Variants in CDK6 observed in about 807,000 individuals in gnomAD.
CDK6 encodes the protein cyclin-dependent kinase 6.
Under a neutral mutation model 37.1 loss-of-function variants are expected in CDK6, and 6 were observed. The observed-to-expected ratio is 0.16, with a 90% CI of 0.09 to 0.32. The LOEUF is 0.32. Ranked by LOEUF, CDK6 falls within the 10% of genes least tolerant of loss-of-function variation. The pLI, the probability that CDK6 is intolerant of heterozygous loss-of-function variation, is 1.00. For synonymous variants in CDK6, 160 were observed against 161.3 expected (o/e 0.99, Z 0.06); for missense variants, 224 against 418.9 (o/e 0.53, Z 4.06).
intron 4 of CDK6, among the ~76,000 whole-genome samples, chr7:92,695,806 T>C (rs1209485045): frequency 6.6e-6 from 1 of 152,228 alleles, no homozygotes; most frequent in Non-Finnish European, 1.5e-5. Context: ...TAAAAGTCTT[T>C]GCTGTTGCCG....
chr7:92,672,134 CATATATATAT>C lies in CDK6; in HGVS notation c.538-609_538-600del, dbSNP rs372523914. 1.2e-4 allele frequency among the ~76,000 whole-genome samples: 8 copies of C among 65,408 alleles called. No homozygotes were observed. In the South Asian group the frequency reaches 3.3e-3, roughly 27 times the overall value. The allele number at this position is 65,408 out of a possible 152,430, so 42.9% of individuals were successfully genotyped here. A position where few individuals can be genotyped will look rare whatever the true frequency, so the allele number is the denominator to read the frequency against. On this transcript the variant is annotated intron_variant, in intron 4 of 7. Transcript: ENST00000424848. ...AACCACTTGTACCCCAAAAGCTGTA[CATATATATAT>C]ATATATATATATATATACACATACA...
intron 5 of CDK6, among the ~76,000 whole-genome samples, chr7:92,665,698 A>T (rs1197260880): frequency 1.3e-5 from 2 of 152,224 alleles, no homozygotes; most frequent in East Asian, 3.8e-4. Context: ...TATTAAATAC[A>T]TGTGTGATTT....
rs1796351255 is a variant in CDK6, at chr7:92,643,076, AGGGTTT to A, written c.648-19996_648-19991del. Among the ~76,000 whole-genome samples, 6 of 152,224 alleles carry A rather than the reference AGGGTTT, an allele frequency of 3.9e-5. No individual in the cohort carries two copies. In the South Asian group the frequency reaches 1.2e-3, roughly 32 times the overall value. ...CACCTGACTAATTTTTTGTAGAGAC[AGGGTTT>A]GGCCATGTTGCCCAGGATGGTCTCG... is the stretch of plus-strand genomic sequence containing the variant. On this transcript the variant is annotated intron_variant, in intron 5 of 7. Transcript: ENST00000424848.
chr7:92,683,181 T>C (rs1797374807), intron 4 of CDK6, among the ~76,000 whole-genome samples: 1 of 151,562 alleles, frequency 6.6e-6, no homozygotes, highest in East Asian at 1.9e-4. Context: ...CAGGGCTCAT[T>C]GTTTCCTCTT....
intron 4 of CDK6, chr7:92,725,132 T>C: frequency 1.0e-6 from 1 of 985,430 alleles, no homozygotes; most frequent in Non-Finnish European, 1.2e-6. Context: ...TCTACGTTCA[T>C]GCATCATCCA....
chr7:92,770,319 CT>C (rs746741500), intron 3 of CDK6, among the ~76,000 whole-genome samples: 1,941 of 90,928 alleles, frequency 0.021, 19 homozygotes, highest in African/African-American at 0.048. Context: ...TCTATGTATG[CT>C]TTTTTTTTTT....
intron 2 of CDK6, among the ~76,000 whole-genome samples, chr7:92,791,809 T>C (rs1044102564): frequency 1.3e-5 from 2 of 152,102 alleles, no homozygotes; most frequent in Non-Finnish European, 2.9e-5. Flanking sequence ...TCCAAAGGTA[T>C]GTAGGTACAC....
chr7:92,664,337 C>T (rs1437464309), intron 5 of CDK6, among the ~76,000 whole-genome samples: 3 of 152,176 alleles, frequency 2.0e-5, no homozygotes, highest in Non-Finnish European at 4.4e-5. Flanking sequence ...TAGGGCGTGC[C>T]TTCTGGCACC....
At chr7:92,816,978 A>G (rs549314473) in intron 2 of CDK6, among the ~76,000 whole-genome samples, 1 of 152,116 alleles carries the variant, frequency 6.6e-6, no homozygotes, top group Non-Finnish European at 1.5e-5. Context: ...AATCCCTTGA[A>G]AAATACAAAA....
chr7:92,671,271 G>A (rs1797066010), intron 5 of CDK6, 155 bp downstream of exon 5: 3 of 456,100 alleles, frequency 6.6e-6, no homozygotes, highest in Middle Eastern at 5.0e-4. Context: ...CACTGAGAAG[G>A]CGGTTTCAGG....
chr7:92,789,782 C>CTATT (rs1800237654), intron 2 of CDK6, among the ~76,000 whole-genome samples: 1 of 152,084 alleles, frequency 6.6e-6, no homozygotes. Context: ...AAAGTATATA[C>CTATT]TATTACTCTC....
rs898105760 is a variant in CDK6 at position 92,642,397 on chromosome 7, C to T, written c.648-19311G>A. ...TCACTATTGAGTCATTTGGCCATGCCGCCCAGCCCACTGTGACCTCAGTTC... is the reference window on the plus strand; with the variant it reads ...TCACTATTGAGTCATTTGGCCATGCTGCCCAGCCCACTGTGACCTCAGTTC... On this transcript the variant is annotated intron_variant, in intron 5 of 7. Coordinates refer to ENST00000424848, the MANE Select transcript of CDK6 (RefSeq NM_001145306.2). 6.6e-5 allele frequency among the ~76,000 whole-genome samples: 10 copies of T among 152,182 alleles called. No individual in the cohort carries two copies. The East Asian group carries it at 1.7e-3, about 26-fold the overall frequency.
At position 92,610,889 on chromosome 7, in the gene CDK6, G is replaced by T. The variant is rs887984303; in HGVS notation, c.*4251C>A. ...TTAAAAATTTATTTTTTCAATGAAC[G>T]TTCTTAGGCATGTGTAAGAAGTATT... On this transcript the variant is annotated 3_prime_UTR_variant, in exon 8 of 8. Transcript: ENST00000424848. 8.8e-6 allele frequency: 2 copies of T among 227,932 alleles called. No homozygotes were observed. Among genetic ancestry groups the T allele is most frequent in the African/African-American group, 2.2e-5 (1 of 45,092 alleles). The allele number at this position is 227,932 out of a possible 1,614,324, so 14.1% of individuals were successfully genotyped here.
Position 92,613,179 on chromosome 7 carries a change from G to GT in CDK6, c.*1960dup, listed in dbSNP as rs1354757826. On this transcript the variant is annotated 3_prime_UTR_variant, in exon 8 of 8. Transcript: ENST00000424848. ...GTAGTACAGCAATTAAAAAAGAATA[G>GT]TTCCCAACCCCAAAAGCTCTTCAGG... is the stretch of plus-strand genomic sequence containing the variant. 4 of 233,046 alleles carry GT rather than the reference G, an allele frequency of 1.7e-5. No individual in the cohort carries two copies. The highest frequency in any genetic ancestry group is 2.5e-5 in the Non-Finnish European group (3 of 118,006). The allele number at this position is 233,046 out of a possible 1,614,324, so 14.4% of individuals were successfully genotyped here. A position where few individuals can be genotyped will look rare whatever the true frequency, so the allele number is the denominator to read the frequency against.
intron 2 of CDK6, among the ~76,000 whole-genome samples, chr7:92,826,552 G>A (rs1338889814): frequency 6.6e-6 from 1 of 152,084 alleles, no homozygotes; most frequent in Non-Finnish European, 1.5e-5. Flanking sequence ...AAATCCATTA[G>A]GGCAAATGGA....
chr7:92,683,580 G>A (rs1011598454), intron 4 of CDK6, among the ~76,000 whole-genome samples: 1 of 152,136 alleles, frequency 6.6e-6, no homozygotes, highest in Admixed American at 6.5e-5. Context: ...TCTGCAGTAC[G>A]CTCTCCTCCT....
rs3731322 is a variant in CDK6, at chr7:92,698,205, A to T, written c.538-26670T>A. Among the ~76,000 whole-genome samples the T allele has an allele frequency of 9.2e-5, 14 of 152,360 alleles. No homozygotes were observed. In the South Asian group the frequency reaches 2.9e-3, roughly 32 times the overall value. On this transcript the variant is annotated intron_variant, in intron 4 of 7. Transcript: ENST00000424848. ...ACTAATAACCTAACAGCTCTCCATG[A>T]ACTTTAATTATTGCAATAGAATTAT... is the stretch of plus-strand genomic sequence containing the variant.
intron 3 of CDK6, among the ~76,000 whole-genome samples, chr7:92,740,180 C>A (rs1191254221): frequency 1.3e-5 from 2 of 152,230 alleles, no homozygotes; most frequent in Non-Finnish European, 2.9e-5. Flanking sequence ...CTAACTATCT[C>A]TGGATTAATT....
intron 4 of CDK6, among the ~76,000 whole-genome samples, chr7:92,715,579 C>CT (rs951790355): frequency 6.6e-6 from 1 of 152,062 alleles, no homozygotes; most frequent in African/African-American, 2.4e-5. Flanking sequence ...GTTTCAATCC[C>CT]TAGAGAGGGG....
Sources: gnomAD v4.1 joint callset for allele counts (sites outside exome capture counted in the v4.1 genomes callset) on GRCh38, gnomAD v4.1.1 for gene constraint, MANE v1.5 for transcripts, NCBI Gene and HGNC (gene_info 2026-07-23, HGNC 2026-07-21) for gene names.